The following BMPR1B variants were observed in gnomAD, a reference collection of about 807,000 sequenced individuals.
The protein encoded by BMPR1B is bone morphogenetic protein receptor type-1B.
A neutral mutation model predicts 59.1 loss-of-function variants in BMPR1B; 12 were observed. The observed-to-expected ratio is 0.20, with a 90% CI of 0.13 to 0.33. BMPR1B has a LOEUF of 0.33. Among genes scored for constraint, BMPR1B ranks in the 10% least tolerant of loss-of-function variants. The pLI is 1.00. For missense variants in BMPR1B, 550 were observed against 610.9 expected, an observed-to-expected ratio of 0.90 and a Z score of 1.05; for synonymous variants, 237 against 207.3, an observed-to-expected ratio of 1.14 and a Z score of -1.23.
At chr4:95,104,367 C>A in intron 3 of BMPR1B, 41 bp from the exon 4 acceptor site, 2 of 1,606,682 alleles carry the variant, frequency 1.2e-6, no homozygotes, top group South Asian at 1.1e-5. Flanking sequence ...CTGGGGTAGT[C>A]TACCCCACAG....
chr4:95,065,898 T>C lies in BMPR1B; in HGVS notation c.-17-38510T>C, dbSNP rs138587351. On this transcript the variant is annotated intron_variant, in intron 3 of 12. Transcript: ENST00000515059. ...CCGAAACAGTTTTGTCATTTTATTATTTAACTGATGAGAAAAACTATATGT... is the reference window on the plus strand; with the variant it reads ...CCGAAACAGTTTTGTCATTTTATTACTTAACTGATGAGAAAAACTATATGT... Among the ~76,000 whole-genome samples, 448 of 152,318 alleles carry C rather than the reference T, an allele frequency of 2.9e-3. 2 individuals are homozygous for C. Among genetic ancestry groups the C allele is most frequent in the African/African-American group, 0.01 (424 of 41,578 alleles).
At chr4:94,795,030 G>T (rs1053778437) in intron 1 of BMPR1B, among the ~76,000 whole-genome samples, 2 of 140,100 alleles carry the variant, frequency 1.4e-5, no homozygotes, top group African/African-American at 2.7e-5. Flanking sequence ...CTGCCTAATT[G>T]CCCTGGCCAG....
chr4:95,057,398 C>G (rs905721702), intron 3 of BMPR1B, among the ~76,000 whole-genome samples: 2 of 152,202 alleles, frequency 1.3e-5, no homozygotes, highest in East Asian at 1.9e-4. Flanking sequence ...GCACACGCCA[C>G]CACGCCCAGC....
At chr4:94,833,544 A>T (rs969379888) in intron 1 of BMPR1B, among the ~76,000 whole-genome samples, 1 of 152,124 alleles carries the variant, frequency 6.6e-6, no homozygotes, top group East Asian at 1.9e-4. Flanking sequence ...TCCCTTGGCC[A>T]ACTGATTGTT....
intron 1 of BMPR1B, among the ~76,000 whole-genome samples, chr4:94,833,429 C>A (rs1163398106): frequency 6.6e-6 from 1 of 152,176 alleles, no homozygotes; most frequent in Non-Finnish European, 1.5e-5. Flanking sequence ...CTGGCCACTA[C>A]TTGTTTTCCA....
At chr4:94,877,537 G>A (rs910794896) in intron 2 of BMPR1B, among the ~76,000 whole-genome samples, 4 of 152,296 alleles carry the variant, frequency 2.6e-5, no homozygotes, top group South Asian at 4.1e-4. Context: ...GAGAACGAGC[G>A]GGTGCCTATA....
intron 2 of BMPR1B, among the ~76,000 whole-genome samples, chr4:94,963,455 G>C (rs553785958): frequency 4.6e-5 from 7 of 152,170 alleles, no homozygotes; most frequent in African/African-American, 1.7e-4. Context: ...AGTGTTTTCT[G>C]ATAGTTATTC....
chr4:95,039,311 A>G (rs1725480646), intron 3 of BMPR1B, among the ~76,000 whole-genome samples: 1 of 152,046 alleles, frequency 6.6e-6, no homozygotes, highest in Non-Finnish European at 1.5e-5. Flanking sequence ...CAGAGAATGT[A>G]GTATCTCCAT....
intron 1 of BMPR1B, among the ~76,000 whole-genome samples, chr4:94,856,984 A>G (rs1162306715): frequency 6.6e-6 from 1 of 152,228 alleles, no homozygotes; most frequent in Non-Finnish European, 1.5e-5. Context: ...TGCAAGGAAC[A>G]CTAAAACAGG....
Position 94,936,415 on chromosome 4 carries a change from A to G in BMPR1B, c.-112-59625A>G, listed in dbSNP as rs191703240. Among the ~76,000 whole-genome samples, 111 of 152,210 alleles carry G rather than the reference A, an allele frequency of 7.3e-4. 2 individuals are homozygous for G. The highest frequency in any genetic ancestry group is 5.8e-4 in the East Asian group (3 of 5,178). ...TAGACTATTTACTGCTTTCAAATGA[A>G]TTTTTGTACCCATTGTCGAAAGAAA... On this transcript the variant is annotated intron_variant, in intron 2 of 12. Coordinates refer to ENST00000515059, the MANE Select transcript of BMPR1B (RefSeq NM_001203.3).
chr4:94,768,428 AT>A (rs1722052890), intron 1 of BMPR1B, among the ~76,000 whole-genome samples: 1 of 152,098 alleles, frequency 6.6e-6, no homozygotes, highest in African/African-American at 2.4e-5. Flanking sequence ...AATTGCAGCG[AT>A]TTTCCCCCTA....
chr4:95,114,684 A>G, intron 4 of BMPR1B, 36 bp from the exon 5 acceptor site: 1 of 1,538,058 alleles, frequency 6.5e-7, no homozygotes, highest in Non-Finnish European at 9.0e-7. Context: ...TCACACACAC[A>G]CATTCTGTTT....
chr4:95,150,263 T>C (rs1734942437), intron 11 of BMPR1B, among the ~76,000 whole-genome samples: 1 of 152,188 alleles, frequency 6.6e-6, no homozygotes, highest in African/African-American at 2.4e-5. Flanking sequence ...TTTCTCATTC[T>C]AAGTGTAAAG....
At chr4:94,866,824 C>T (rs184607124) in intron 1 of BMPR1B, among the ~76,000 whole-genome samples, 3 of 152,200 alleles carry the variant, frequency 2.0e-5, no homozygotes, top group Admixed American at 6.5e-5. Flanking sequence ...CCTCATGATC[C>T]GCCCACTTTG....
intron 3 of BMPR1B, among the ~76,000 whole-genome samples, chr4:95,090,718 C>G (rs1295915761): frequency 6.6e-6 from 1 of 151,972 alleles, no homozygotes; most frequent in African/African-American, 2.4e-5. Flanking sequence ...TTGTGTATGA[C>G]AAATATCTCT....
At chr4:95,133,060 C>G (rs1014887431) in intron 10 of BMPR1B, among the ~76,000 whole-genome samples, 18 of 152,172 alleles carry the variant, frequency 1.2e-4, no homozygotes, top group Admixed American at 1.1e-3. Flanking sequence ...TTTGGCTGAT[C>G]CATTCTTAAT....
At chr4:94,893,280 C>T (rs947787859) in intron 2 of BMPR1B, among the ~76,000 whole-genome samples, 1 of 152,012 alleles carries the variant, frequency 6.6e-6, no homozygotes, top group African/African-American at 2.4e-5. Context: ...TCCTTTGGCT[C>T]TAGACTTTGC....
At chr4:95,083,506 T>G (rs1039870836) in intron 3 of BMPR1B, among the ~76,000 whole-genome samples, 1 of 152,010 alleles carries the variant, frequency 6.6e-6, no homozygotes, top group African/African-American at 2.4e-5. Flanking sequence ...GTGTGTGTGT[T>G]AGAGGGGAAA....
chr4:94,787,236 G>A (rs1722796975), intron 1 of BMPR1B, among the ~76,000 whole-genome samples: 1 of 152,110 alleles, frequency 6.6e-6, no homozygotes, highest in Non-Finnish European at 1.5e-5. Flanking sequence ...TTATTCCCCT[G>A]CAGGCAGAGA....
Sources: gnomAD v4.1 joint callset for allele counts (sites outside exome capture counted in the v4.1 genomes callset) on GRCh38, gnomAD v4.1.1 for gene constraint, MANE v1.5 for transcripts, NCBI Gene and HGNC (gene_info 2026-07-23, HGNC 2026-07-21) for gene names.